The following MIER2 variants were observed in gnomAD, a reference collection of about 807,000 sequenced individuals.
The protein encoded by MIER2 is MIER family member 2, also known as mesoderm induction early response protein 2.
Under a neutral mutation model 67.6 loss-of-function variants are expected in MIER2, and 30 were observed. The ratio of observed to expected loss-of-function variants is 0.44; its 90% CI spans 0.33 to 0.60. The LOEUF is 0.60. MIER2 is among the 20% of genes least tolerant of loss of function. MIER2 has a pLI of 0.02. For missense variants in MIER2, 702 were observed against 745.1 expected, an observed-to-expected ratio of 0.94 and a Z score of 0.67; for synonymous variants, 372 against 312.6, an observed-to-expected ratio of 1.19 and a Z score of -2.00.
At chr19:338,747 G>A (rs1972374289) in intron 1 of MIER2, among the ~76,000 whole-genome samples, 1 of 152,152 alleles carries the variant, frequency 6.6e-6, no homozygotes, top group African/African-American at 2.4e-5. Context: ...CAGAAATACA[G>A]TCACACATTC....
intron 10 of MIER2, among the ~76,000 whole-genome samples, chr19:310,667 G>C (rs1178566884): frequency 8.1e-6 from 1 of 124,210 alleles, no homozygotes; most frequent in Non-Finnish European, 1.7e-5. Context: ...ACAGCCCGAA[G>C]CTCCAGAAAC....
Position 327,123 on chromosome 19 carries a change from A to G in MIER2, c.493+10T>C, listed in dbSNP as rs1474846343. 31 of 1,577,234 alleles carry G rather than the reference A, an allele frequency of 2.0e-5. No individual in the cohort carries two copies. Among genetic ancestry groups the G allele is most frequent in the Non-Finnish European group, 2.7e-5 (31 of 1,169,230 alleles). On this transcript the variant is annotated intron_variant, in intron 5 of 13. Transcript: ENST00000264819. ...TGGCTGCGGTGGAGTATGGGGACAG[A>G]GTCACCTACATCCACTCCGGTTAGG...
At chr19:321,237 C>T (rs1971488629) in intron 7 of MIER2, among the ~76,000 whole-genome samples, 2 of 152,200 alleles carry the variant, frequency 1.3e-5, no homozygotes, top group African/African-American at 4.8e-5. Context: ...TTCACCAGCA[C>T]AGAACCCACA....
At position 308,707 on chromosome 19, in the gene MIER2, A is replaced by G. The variant is rs1970783321; in HGVS notation, c.1110-42T>C. 1 of 1,595,736 alleles carries G rather than the reference A, an allele frequency of 6.3e-7. No individual in the cohort carries two copies. The highest frequency in any genetic ancestry group is 2.3e-5 in the East Asian group (1 of 44,260). Reference sequence around the variant, plus strand: ...CCATGAGGGGCGGCAGACAGGACAGACGCCCCCACCCAAGAGGTGCCGCCC... The same window carrying G: ...CCATGAGGGGCGGCAGACAGGACAGGCGCCCCCACCCAAGAGGTGCCGCCC... On this transcript the variant is annotated intron_variant, in intron 11 of 13. Coordinates refer to ENST00000264819, the MANE Select transcript of MIER2 (RefSeq NM_017550.3). This position sits in a 1 kb window ranked among gnomAD's most constrained non-coding sequence, Gnocchi z 9.1.
At chr19:320,866 G>A (rs1344546186) in intron 7 of MIER2, among the ~76,000 whole-genome samples, 1 of 152,226 alleles carries the variant, frequency 6.6e-6, no homozygotes, top group Non-Finnish European at 1.5e-5. Context: ...AGCAGCCCCA[G>A]AGCTTGCGCC....
At chr19:318,353 G>C (rs1423558901) in intron 7 of MIER2, among the ~76,000 whole-genome samples, 2 of 152,192 alleles carry the variant, frequency 1.3e-5, no homozygotes, top group Non-Finnish European at 2.9e-5. Context: ...ACGGTAAGAA[G>C]TGTTACTACA....
intron 1 of MIER2, chr19:344,516 C>A (rs1263425374): frequency 8.1e-6 from 3 of 371,064 alleles, no homozygotes; most frequent in Non-Finnish European, 1.1e-5. Context: ...GGCCCCCGCC[C>A]GCCCCGCGCC....
At chr19:314,617 T>C (rs1429764159) in intron 7 of MIER2, among the ~76,000 whole-genome samples, 1 of 151,844 alleles carries the variant, frequency 6.6e-6, no homozygotes, top group East Asian at 1.9e-4. Flanking sequence ...AGCAGGGGCC[T>C]CTCCCGGTCC....
rs1032653243 is a variant in MIER2, at chr19:313,484, G to A, written c.807+8C>T. ...CAGCCCCTCTGTCCCCGGCATGGCA[G>A]CCCCCACCTGCTCACTGTCTTTCAC... On this transcript the variant is annotated splice_region_variant and intron_variant, in intron 8 of 13. Coordinates refer to ENST00000264819, the MANE Select transcript of MIER2 (RefSeq NM_017550.3). 6.2e-7 allele frequency: 1 copy of A among 1,609,520 alleles called. No individual in the cohort carries two copies. The highest frequency in any genetic ancestry group is 2.2e-5 in the East Asian group (1 of 44,872).
intron 10 of MIER2, among the ~76,000 whole-genome samples, chr19:309,798 A>ACG (rs1196035181): frequency 9.5e-6 from 1 of 105,816 alleles, no homozygotes. Flanking sequence ...ACACACACAC[A>ACG]CACACAAGGC....
In MIER2 at chr19:320,456, AAAAT is replaced by A. The variant is rs575768618; in HGVS notation, c.655+5175_655+5178del. Among the ~76,000 whole-genome samples the A allele has an allele frequency of 1.1e-4, 16 of 152,220 alleles. No individual in the cohort carries two copies. In the South Asian group the frequency reaches 2.3e-3, roughly 22 times the overall value. On this transcript the variant is annotated intron_variant, in intron 7 of 13. Coordinates refer to ENST00000264819, the MANE Select transcript of MIER2 (RefSeq NM_017550.3). ...AGATACGTAAATAAAATTTAAATTA[AAAAT>A]AAATAAATAAAATTTAAATTTTAAA... is the stretch of plus-strand genomic sequence containing the variant.
intron 10 of MIER2, among the ~76,000 whole-genome samples, chr19:310,620 A>AGCTATAGGAACATG (rs1600112509): frequency 1.2e-4 from 7 of 60,636 alleles, no homozygotes; most frequent in Admixed American, 5.2e-4. Context: ...ATAGAAACAC[A>AGCTATAGGAACATG]GCCCGGAGCT....
At chr19:340,958 C>T (rs899687395) in intron 1 of MIER2, among the ~76,000 whole-genome samples, 1 of 152,192 alleles carries the variant, frequency 6.6e-6, no homozygotes, top group African/African-American at 2.4e-5. Context: ...GCTGCAGGGG[C>T]ATCTCACGCC....
At chr19:335,298 G>C (rs1048178685) in intron 2 of MIER2, among the ~76,000 whole-genome samples, 1 of 152,258 alleles carries the variant, frequency 6.6e-6, no homozygotes, top group African/African-American at 2.4e-5. Context: ...ACAGCCTGTA[G>C]GGCTGGGCAC....
chr19:317,498 A>T (rs60551457), intron 7 of MIER2, among the ~76,000 whole-genome samples: 1 of 151,196 alleles, frequency 6.6e-6, no homozygotes. Context: ...CTGCACTCCA[A>T]CCTGGGTGAC....
rs1484777458 is a variant in MIER2, at chr19:326,559, G to A, written c.533C>T (p.Ser178Phe). 3.7e-6 allele frequency: 6 copies of A among 1,614,042 alleles called. No individual in the cohort carries two copies. The highest frequency in any genetic ancestry group is 5.1e-6 in the Non-Finnish European group (6 of 1,180,004). Residue 178 changes from serine (S) to phenylalanine (F), a missense_variant, in exon 6 of 14, where the codon TCT becomes TTT. This residue lies in a region of MIER2 where 320 missense variants were observed against 292.6 expected (regional missense o/e 1.09). Coordinates refer to ENST00000264819, the MANE Select transcript of MIER2 (RefSeq NM_017550.3). ...LADEDREPGS[S>F]ASSDTEEDSL... is the part of the protein sequence containing the mutation. ...GTCCTCCTCGGTGTCGGAGGAGGCA[G>A]AAGAGCCAGGCTCTCTGTCTTCATC...
rs1019311862 is a variant in MIER2 at position 342,225 on chromosome 19, T to C, written c.9+2549A>G. On this transcript the variant is annotated intron_variant, in intron 1 of 13. Coordinates refer to ENST00000264819, the MANE Select transcript of MIER2 (RefSeq NM_017550.3). ...GCCCACTCTGGGCTCAGCAAGGCAG[T>C]GGCGTGGTGGTTAACCTGAGAAACA... Among the ~76,000 whole-genome samples the C allele has an allele frequency of 2.0e-5, 3 of 152,208 alleles. No individual in the cohort carries two copies. The East Asian group carries it at 5.8e-4, about 29-fold the overall frequency.
rs777622054 is a variant in MIER2 at position 308,797 on chromosome 19, G to A, written c.1109+4C>T. 9 of 1,599,966 alleles carry A rather than the reference G, an allele frequency of 5.6e-6. No homozygotes were observed. Among genetic ancestry groups the A allele is most frequent in the Non-Finnish European group, 7.7e-6 (9 of 1,169,126 alleles). ...TCGTTACTGCTGGGGAGGGCTGCAC[G>A]CACGTGGTTCCGGACGGGACGTACT... On this transcript the variant is annotated splice_donor_region_variant and intron_variant, in intron 11 of 13. Transcript: ENST00000264819. This position sits in a 1 kb window ranked among gnomAD's most constrained non-coding sequence, Gnocchi z 9.1.
At chr19:325,611 C>A (rs965140673) in intron 7 of MIER2, 24 bp downstream of exon 7, 1 of 1,614,108 alleles carries the variant, frequency 6.2e-7, no homozygotes, top group Non-Finnish European at 8.5e-7. Context: ...TGGGTTTCGC[C>A]TCCTCTCCCC....
Sources: allele counts gnomAD v4.1 joint callset (sites outside exome capture counted in the v4.1 genomes callset), GRCh38; gene constraint gnomAD v4.1.1; regional missense constraint gnomAD v4.1.1; non-coding constraint Gnocchi (gnomAD v3.1); transcripts MANE v1.5; gene names NCBI Gene and HGNC (gene_info 2026-07-23, HGNC 2026-07-21).